AKAP6: variants seen among roughly 807,000 people sequenced by gnomAD.
AKAP6 encodes A-kinase anchor protein 6.
A neutral mutation model predicts 188.5 loss-of-function variants in AKAP6; 58 were observed. The observed-to-expected ratio is 0.31, with a 90% CI of 0.25 to 0.38. The LOEUF (loss-of-function observed/expected upper bound fraction) is 0.38, where lower values mean the gene tolerates loss of function less well. Among genes scored for constraint, AKAP6 ranks in the 10% least tolerant of loss-of-function variants. The pLI is 1.00. For synonymous variants in AKAP6, 989 were observed against 998.6 expected (o/e 0.99, Z 0.18); for missense variants, 2,710 against 2,740.0 (o/e 0.99, Z 0.24).
intron 1 of AKAP6, among the ~76,000 whole-genome samples, chr14:32,352,101 GTT>G (rs575165877): frequency 0.066 from 7,245 of 110,596 alleles, 413 homozygotes; most frequent in African/African-American, 0.24. Flanking sequence ...GTGTGTGTGT[GTT>G]TGTGTGTGTG....
intron 7 of AKAP6, among the ~76,000 whole-genome samples, chr14:32,620,076 T>A (rs12433067): frequency 6.6e-6 from 1 of 152,072 alleles, no homozygotes; most frequent in Admixed American, 6.5e-5. Flanking sequence ...TCTAAGAGTC[T>A]TTTGGAGGAT....
chr14:32,582,587 C>A lies in AKAP6; in HGVS notation c.2469+5345C>A, dbSNP rs1594760353. Among the ~76,000 whole-genome samples the A allele has an allele frequency of 2.6e-5, 4 of 152,304 alleles. No homozygotes were observed. The South Asian group carries it at 8.3e-4, about 32-fold the overall frequency. ...AGGATAATATCCTGCAGAGTGTTTT[C>A]CAACTTGGTTCCATTCTCCCTGTCA... On this transcript the variant is annotated intron_variant, in intron 5 of 13. Coordinates refer to ENST00000280979, the MANE Select transcript of AKAP6 (RefSeq NM_004274.5).
chr14:32,458,262 A>G (rs1284011214), intron 2 of AKAP6, among the ~76,000 whole-genome samples: 1 of 152,182 alleles, frequency 6.6e-6, no homozygotes. Flanking sequence ...ATATGCTCCA[A>G]TAACTATGAG....
At chr14:32,443,806 A>G (rs907587448) in intron 2 of AKAP6, among the ~76,000 whole-genome samples, 2 of 152,186 alleles carry the variant, frequency 1.3e-5, no homozygotes, top group Non-Finnish European at 2.9e-5. Flanking sequence ...CTTTAAATGT[A>G]CTATCTTATG....
chr14:32,378,319 G>T (rs1160404570), intron 1 of AKAP6, among the ~76,000 whole-genome samples: 1 of 152,162 alleles, frequency 6.6e-6, no homozygotes, highest in African/African-American at 2.4e-5. Flanking sequence ...GCAAAGGGAA[G>T]AAATACACTT....
intron 11 of AKAP6, among the ~76,000 whole-genome samples, chr14:32,756,040 T>C (rs192496380): frequency 3.1e-4 from 47 of 152,328 alleles, no homozygotes; most frequent in African/African-American, 1.0e-3. Context: ...TGACATCTGG[T>C]AGGGTCCATG....
Position 32,396,438 on chromosome 14 carries a change from C to A in AKAP6, c.-34-37022C>A, listed in dbSNP as rs145576151. Among the ~76,000 whole-genome samples, 162 of 152,300 alleles carry A rather than the reference C, an allele frequency of 1.1e-3. 2 individuals carry two copies. The highest frequency in any genetic ancestry group is 1.7e-3 in the Non-Finnish European group (115 of 68,024). On this transcript the variant is annotated intron_variant, in intron 1 of 13. Coordinates refer to ENST00000280979, the MANE Select transcript of AKAP6 (RefSeq NM_004274.5). The stretch of plus-strand genomic sequence containing the variant: ...CCCTGACTTTCTTTTGCCATCTACC[C>A]CATTTCTACATGGAGCAGGTGCCTC...
At chr14:32,334,554 C>T (rs1443482722) in intron 1 of AKAP6, among the ~76,000 whole-genome samples, 2 of 152,100 alleles carry the variant, frequency 1.3e-5, no homozygotes, top group Non-Finnish European at 2.9e-5. Context: ...TTGTTAATCT[C>T]TTATTGTGTC....
chr14:32,785,958 A>G (rs2033387698), intron 12 of AKAP6, among the ~76,000 whole-genome samples: 1 of 152,192 alleles, frequency 6.6e-6, no homozygotes, highest in East Asian at 1.9e-4. Context: ...GATTTCACAA[A>G]GTGTCGTATT....
chr14:32,816,489 C>A (rs2034382284), intron 12 of AKAP6, among the ~76,000 whole-genome samples: 5 of 152,184 alleles, frequency 3.3e-5, no homozygotes, highest in Admixed American at 3.3e-4. Context: ...AGCCACTGTA[C>A]CTGTCCTGCT....
At chr14:32,764,169 A>C (rs2032631576) in intron 11 of AKAP6, among the ~76,000 whole-genome samples, 1 of 152,204 alleles carries the variant, frequency 6.6e-6, no homozygotes, top group South Asian at 2.1e-4. Context: ...CACTGTCCCC[A>C]GGAATATGAG....
At chr14:32,457,947 G>T (rs1891198706) in intron 2 of AKAP6, among the ~76,000 whole-genome samples, 1 of 152,092 alleles carries the variant, frequency 6.6e-6, no homozygotes, top group African/African-American at 2.4e-5. Flanking sequence ...GACATTTTGG[G>T]ATTACATCAG....
At chr14:32,424,739 T>G (rs964577098) in intron 1 of AKAP6, among the ~76,000 whole-genome samples, 3 of 152,146 alleles carry the variant, frequency 2.0e-5, no homozygotes, top group Non-Finnish European at 2.9e-5. Context: ...CACTTATAAG[T>G]GAGAACATGC....
At chr14:32,379,433 A>T (rs1888272306) in intron 1 of AKAP6, among the ~76,000 whole-genome samples, 1 of 152,186 alleles carries the variant, frequency 6.6e-6, no homozygotes, top group African/African-American at 2.4e-5. Flanking sequence ...AGAGCCAGGA[A>T]GCCTGAGATA....
chr14:32,635,568 G>A (rs931281200), intron 7 of AKAP6, among the ~76,000 whole-genome samples: 9 of 152,220 alleles, frequency 5.9e-5, no homozygotes, highest in Middle Eastern at 3.4e-3. Context: ...AGAGCTGGGA[G>A]CTACTGTTGT....
At chr14:32,599,334 G>T in intron 5 of AKAP6, 76 bp from the exon 6 acceptor site, 2 of 1,233,546 alleles carry the variant, frequency 1.6e-6, no homozygotes, top group Non-Finnish European at 2.3e-6. Context: ...TTGATAAAAA[G>T]TAGCAAGTAA....
intron 1 of AKAP6, among the ~76,000 whole-genome samples, chr14:32,400,955 G>C (rs527353909): frequency 6.6e-6 from 1 of 152,110 alleles, no homozygotes; most frequent in African/African-American, 2.4e-5. Context: ...ATGGGCATAC[G>C]ATCTAAATCT....
At chr14:32,547,492 T>C (rs528147132) in intron 4 of AKAP6, among the ~76,000 whole-genome samples, 1 of 152,322 alleles carries the variant, frequency 6.6e-6, no homozygotes, top group South Asian at 2.1e-4. Flanking sequence ...TTTTCTTTAC[T>C]CTTCCTCCTC....
rs181328080 is a variant in AKAP6 at position 32,453,810 on chromosome 14, C to G, written c.324+19993C>G. ...GACGGGGTTTCACCGTGGTCTCGAT[C>G]TCCTGACCTCATGATCCGCCCGCCT... is the stretch of plus-strand genomic sequence containing the variant. On this transcript the variant is annotated intron_variant, in intron 2 of 13. Transcript: ENST00000280979. Among the ~76,000 whole-genome samples, 342 of 147,316 alleles carry G rather than the reference C, an allele frequency of 2.3e-3. 3 individuals carry two copies. Among genetic ancestry groups the G allele is most frequent in the African/African-American group, 7.9e-3 (324 of 40,972 alleles).
Sources: gnomAD v4.1 joint callset for allele counts (sites outside exome capture counted in the v4.1 genomes callset) on GRCh38, gnomAD v4.1.1 for gene constraint, MANE v1.5 for transcripts, NCBI Gene and HGNC (gene_info 2026-07-23, HGNC 2026-07-21) for gene names.